The following RAVER2 variants were observed in gnomAD, a reference collection of about 807,000 sequenced individuals.
RAVER2 encodes ribonucleoprotein, PTB binding 2.
A neutral mutation model predicts 78.1 loss-of-function variants in RAVER2; 46 were observed. The ratio of observed to expected loss-of-function variants is 0.59; its 90% CI spans 0.46 to 0.75. The LOEUF (loss-of-function observed/expected upper bound fraction) is 0.75, where lower values mean the gene tolerates loss of function less well. RAVER2 is among the 30% of genes least tolerant of loss of function. The pLI, the probability that RAVER2 is intolerant of heterozygous loss-of-function variation, is 0.00. For missense variants in RAVER2, 793 were observed against 837.5 expected (o/e 0.95, Z 0.66); for synonymous variants, 311 against 313.3 (o/e 0.99, Z 0.08).
intron 1 of RAVER2, among the ~76,000 whole-genome samples, chr1:64,757,473 T>C (rs1410051179): frequency 6.6e-6 from 1 of 152,188 alleles, no homozygotes; most frequent in Non-Finnish European, 1.5e-5. Flanking sequence ...GGAAAGGCCA[T>C]GTGAGGACAT....
chr1:64,829,086 G>A (rs1654064933), intron 11 of RAVER2, among the ~76,000 whole-genome samples: 1 of 145,080 alleles, frequency 6.9e-6, no homozygotes, highest in South Asian at 2.1e-4. Context: ...GGTTCTCACT[G>A]TGAATGGTGT....
intron 3 of RAVER2, among the ~76,000 whole-genome samples, 186 bp from the exon 4 acceptor site, chr1:64,781,194 A>G (rs1453685564): frequency 1.3e-5 from 2 of 152,242 alleles, no homozygotes; most frequent in Non-Finnish European, 2.9e-5. Context: ...ACAGACTCCT[A>G]TCTTCCTGTC....
intron 9 of RAVER2, among the ~76,000 whole-genome samples, chr1:64,807,832 G>T (rs1301830432): frequency 6.6e-6 from 1 of 151,974 alleles, no homozygotes; most frequent in African/African-American, 2.4e-5. Flanking sequence ...CAAAAAGTTT[G>T]TGATATACAT....
At chr1:64,817,808 G>A (rs12038861) in intron 11 of RAVER2, among the ~76,000 whole-genome samples, 7,165 of 151,766 alleles carry the variant, frequency 0.047, 400 homozygotes, top group East Asian at 0.27. Context: ...TGTAAATGAC[G>A]AGCTAATGGG....
At chr1:64,833,142 C>G (rs749946163) in exon 12 of RAVER2, 3 of 185,270 alleles carry the variant, frequency 1.6e-5, no homozygotes, top group African/African-American at 2.3e-5. Flanking sequence ...CTTCCTCCCC[C>G]CAAAACTATA....
chr1:64,779,104 A>G (rs1005042060), intron 3 of RAVER2, among the ~76,000 whole-genome samples: 3 of 151,642 alleles, frequency 2.0e-5, no homozygotes, highest in Non-Finnish European at 2.9e-5. Context: ...TAACATATGT[A>G]TTACCTCACA....
chr1:64,823,032 G>A (rs1224700227), intron 11 of RAVER2, among the ~76,000 whole-genome samples: 1 of 152,166 alleles, frequency 6.6e-6, no homozygotes, highest in East Asian at 1.9e-4. Flanking sequence ...GGAGGAAGGA[G>A]GAGTTGGGGA....
chr1:64,750,653 A>G (rs1028998327), intron 1 of RAVER2, among the ~76,000 whole-genome samples: 3 of 152,116 alleles, frequency 2.0e-5, no homozygotes, highest in African/African-American at 7.2e-5. Context: ...CTAACAATAT[A>G]TTTGGTAATT....
chr1:64,803,483 C>G (rs1570570063), intron 6 of RAVER2, among the ~76,000 whole-genome samples: 1 of 151,848 alleles, frequency 6.6e-6, no homozygotes, highest in Non-Finnish European at 1.5e-5. Flanking sequence ...GAGTATGTTT[C>G]CTACCTTTTT....
At chr1:64,764,635 C>T (rs182711823) in intron 1 of RAVER2, among the ~76,000 whole-genome samples, 2 of 152,288 alleles carry the variant, frequency 1.3e-5, no homozygotes, top group Non-Finnish European at 2.9e-5. Flanking sequence ...GGAGAATACA[C>T]TCATAATACA....
At chr1:64,824,803 C>T (rs1045694286) in intron 11 of RAVER2, among the ~76,000 whole-genome samples, 11 of 151,652 alleles carry the variant, frequency 7.3e-5, no homozygotes, top group African/African-American at 1.5e-4. Flanking sequence ...TGGTGGTGCA[C>T]GCTTGTAATC....
At chr1:64,788,401 G>A (rs1369905390) in intron 4 of RAVER2, among the ~76,000 whole-genome samples, 1 of 152,008 alleles carries the variant, frequency 6.6e-6, no homozygotes, top group African/African-American at 2.4e-5. Context: ...GAACCCAGGA[G>A]GCAAAGCTTG....
At chr1:64,818,410 C>A (rs1016136282) in intron 11 of RAVER2, among the ~76,000 whole-genome samples, 3 of 152,234 alleles carry the variant, frequency 2.0e-5, no homozygotes, top group African/African-American at 7.2e-5. Context: ...GTGGTGGGCG[C>A]CTGTAGTCCC....
At chr1:64,771,710 C>T (rs574078399) in intron 2 of RAVER2, among the ~76,000 whole-genome samples, 2 of 151,900 alleles carry the variant, frequency 1.3e-5, no homozygotes, top group Non-Finnish European at 2.9e-5. Context: ...GGTGTGATAC[C>T]GTTTGACAAT....
At chr1:64,804,672 AT>A (rs758650730) in intron 6 of RAVER2, 61 bp from the exon 7 acceptor site, 2 of 790,660 alleles carry the variant, frequency 2.5e-6, no homozygotes, top group Non-Finnish European at 4.2e-6. Flanking sequence ...TTCAAAATGA[AT>A]TGGGTTATAC....
intron 1 of RAVER2, among the ~76,000 whole-genome samples, chr1:64,756,256 G>T (rs1324917303): frequency 6.6e-6 from 1 of 151,996 alleles, no homozygotes; most frequent in African/African-American, 2.4e-5. Context: ...TGATTAAAGT[G>T]GTATCTGCCA....
intron 11 of RAVER2, among the ~76,000 whole-genome samples, chr1:64,826,635 C>G (rs193098168): frequency 6.6e-6 from 1 of 152,108 alleles, no homozygotes; most frequent in Admixed American, 6.5e-5. Flanking sequence ...GGCTTTTACT[C>G]TAAGATAGAA....
intron 1 of RAVER2, among the ~76,000 whole-genome samples, chr1:64,753,664 C>T (rs964233030): frequency 5.3e-5 from 8 of 151,178 alleles, no homozygotes; most frequent in African/African-American, 1.9e-4. Context: ...GCTGGGATTA[C>T]AGGCGCCCGC....
intron 5 of RAVER2, among the ~76,000 whole-genome samples, chr1:64,797,714 G>T (rs922221695): frequency 1.4e-4 from 22 of 151,830 alleles, no homozygotes; most frequent in African/African-American, 5.3e-4. Flanking sequence ...GGATTTTTTT[G>T]ATATTAAAGT....
Sources: gnomAD v4.1 joint callset for allele counts (sites outside exome capture counted in the v4.1 genomes callset) on GRCh38, gnomAD v4.1.1 for gene constraint, MANE v1.5 for transcripts, NCBI Gene and HGNC (gene_info 2026-07-23, HGNC 2026-07-21) for gene names.